The following NXN variants were observed in gnomAD, a reference collection of about 807,000 sequenced individuals.
NXN encodes the protein nucleoredoxin, also known as nucleoredoxin 1.
NXN carries 16 observed loss-of-function variants against 48.6 expected under a neutral mutation model. The observed-to-expected ratio is 0.33, with a 90% CI of 0.22 to 0.50. The LOEUF (loss-of-function observed/expected upper bound fraction) is 0.50. NXN is among the 20% of genes least tolerant of loss of function. The pLI is 0.98. For synonymous variants in NXN, 281 were observed against 269.6 expected, an observed-to-expected ratio of 1.04 and a Z score of -0.41; for missense variants, 492 against 605.5, an observed-to-expected ratio of 0.81 and a Z score of 1.97.
chr17:810,522 C>G (rs2144594808), intron 5 of NXN, among the ~76,000 whole-genome samples: 1 of 152,282 alleles, frequency 6.6e-6, no homozygotes, highest in Non-Finnish European at 1.5e-5. Flanking sequence ...CCAACCAATG[C>G]CCAGAATCTG....
intron 1 of NXN, among the ~76,000 whole-genome samples, chr17:907,425 C>T (rs1446892412): frequency 1.3e-5 from 2 of 151,792 alleles, no homozygotes; most frequent in Non-Finnish European, 2.9e-5. Context: ...CTGCAAGCTC[C>T]GCCTCCCGAG....
chr17:874,679 C>T (rs551879142), intron 1 of NXN, among the ~76,000 whole-genome samples: 4 of 145,600 alleles, frequency 2.7e-5, no homozygotes, highest in African/African-American at 1.0e-4. Flanking sequence ...GGATCACAAT[C>T]ATGCCACTGC....
chr17:804,843 G>A (rs967252609), intron 6 of NXN, among the ~76,000 whole-genome samples: 1 of 152,194 alleles, frequency 6.6e-6, no homozygotes, highest in Non-Finnish European at 1.5e-5. Context: ...CTGCCCAGCT[G>A]GCAGCTGGGG....
At chr17:827,693 C>G (rs1301833277) in intron 1 of NXN, among the ~76,000 whole-genome samples, 1 of 152,220 alleles carries the variant, frequency 6.6e-6, no homozygotes, top group African/African-American at 2.4e-5. Context: ...AGCAGGGAAG[C>G]TGCAGAGTGC....
chr17:842,613 G>T, intron 1 of NXN: 1 of 972,770 alleles, frequency 1.0e-6, no homozygotes, highest in Middle Eastern at 5.3e-4. Context: ...CACTCCCCAG[G>T]CAACTTGGCT....
At position 830,685 on chromosome 17, in the gene NXN, C is replaced by T. The variant is rs1238445559; in HGVS notation, c.361-4607G>A. ...AAAAATAACAGGTCACAGGGAATGACGTGACCTGATTCACAGTTTAAAAGG... is the reference window on the plus strand; with the variant it reads ...AAAAATAACAGGTCACAGGGAATGATGTGACCTGATTCACAGTTTAAAAGG... On this transcript the variant is annotated intron_variant, in intron 1 of 7. Transcript: ENST00000336868. This position sits in a 1 kb window ranked among gnomAD's most constrained non-coding sequence, Gnocchi z 4.2. Among the ~76,000 whole-genome samples the T allele has an allele frequency of 1.3e-5, 2 of 152,252 alleles. No individual in the cohort carries two copies. Among genetic ancestry groups the T allele is most frequent in the South Asian group, 2.1e-4 (1 of 4,820 alleles).
rs186720214 is a variant in NXN at position 802,787 on chromosome 17, G to A, written c.1125+895C>T. Among the ~76,000 whole-genome samples the A allele has an allele frequency of 1.5e-3, 228 of 152,306 alleles. 3 individuals carry two copies. In the East Asian group the frequency reaches 0.024, roughly 16 times the overall value. ...GGCCGGGGGCTGAGGTGATGAATGG[G>A]TGGCACAGGGTGTCTGGCTGCCGCC... On this transcript the variant is annotated intron_variant, in intron 7 of 7. Transcript: ENST00000336868.
rs572413476 is a variant in NXN at position 890,947 on chromosome 17, G to T, written c.361-64869C>A. 2.6e-5 allele frequency among the ~76,000 whole-genome samples: 4 copies of T among 152,134 alleles called. No homozygotes were observed. In the South Asian group the frequency reaches 8.3e-4, roughly 32 times the overall value. On this transcript the variant is annotated intron_variant, in intron 1 of 7. Transcript: ENST00000336868. The stretch of plus-strand genomic sequence containing the variant: ...GCTACACCACCTGCTTCACGAATAC[G>T]GCCCCTCCATTTGCAAAGTGCTGAC...
rs756409294 is a variant in NXN at position 803,778 on chromosome 17, C to T, written c.1029G>A (p.Ala343=). 2.4e-5 allele frequency: 39 copies of T among 1,614,180 alleles called. No individual in the cohort carries two copies. Among genetic ancestry groups the T allele is most frequent in the Admixed American group, 3.3e-5 (2 of 60,026 alleles). ...CTATCGGCTGAATCAGCTGCTTGGC[C>T]GCCTCGGACTCTCCGTCATCCTCAG... is the stretch of plus-strand genomic sequence containing the variant. ...VDSEDDGESE[A]AKQLIQPIAE... is the part of the protein sequence containing the mutation. The change falls in exon 7 of 8, where the codon GCG becomes GCA. Residue 343 remains alanine (A), a synonymous_variant. Coordinates refer to ENST00000336868, the MANE Select transcript of NXN (RefSeq NM_022463.5).
In NXN at chr17:828,212, C is replaced by T. The variant is rs374125560; in HGVS notation, c.361-2134G>A. On this transcript the variant is annotated intron_variant, in intron 1 of 7. Transcript: ENST00000336868. Reference sequence around the variant, plus strand: ...TCCACCTCTCAGGTTCAAACAATTCCCCTGCCTCAGCCTCCCAAGTAGCTG... The same window carrying T: ...TCCACCTCTCAGGTTCAAACAATTCTCCTGCCTCAGCCTCCCAAGTAGCTG... Among the ~76,000 whole-genome samples, 40 of 148,484 alleles carry T rather than the reference C, an allele frequency of 2.7e-4. No homozygotes were observed. The South Asian group carries it at 7.5e-3, about 28-fold the overall frequency.
intron 1 of NXN, among the ~76,000 whole-genome samples, chr17:885,672 CTTTTTT>C (rs532225883): frequency 1.7e-4 from 14 of 83,750 alleles, no homozygotes; most frequent in African/African-American, 6.6e-4. Context: ...GCGGTACTCG[CTTTTTT>C]TTTTTTTTTT....
At chr17:874,731 T>C (rs2068195918) in intron 1 of NXN, among the ~76,000 whole-genome samples, 1 of 149,810 alleles carries the variant, frequency 6.7e-6, no homozygotes. Context: ...TCTCAAATAA[T>C]AAATAAACAA....
intron 1 of NXN, among the ~76,000 whole-genome samples, chr17:905,416 G>A (rs924550084): frequency 2.6e-5 from 4 of 151,844 alleles, no homozygotes; most frequent in African/African-American, 7.3e-5. Context: ...AGATCCTGTC[G>A]GTTAAAAATA....
chr17:803,274 G>A (rs1260330820), intron 7 of NXN, among the ~76,000 whole-genome samples: 1 of 152,170 alleles, frequency 6.6e-6, no homozygotes. Context: ...ATAAGCAGTA[G>A]CCCCAGCCAG....
At position 810,758 on chromosome 17, in the gene NXN, G is replaced by A. The variant is rs191362490; in HGVS notation, c.821-5511C>T. On this transcript the variant is annotated intron_variant, in intron 5 of 7. Transcript: ENST00000336868. ...TACAAAATTAGCTGGGCGTGGTAGC[G>A]CACCCCTGTACTCCCAGCTACTCAG... Among the ~76,000 whole-genome samples the A allele has an allele frequency of 3.0e-4, 45 of 152,196 alleles. No homozygotes were observed. In the East Asian group the frequency reaches 3.5e-3, roughly 12 times the overall value.
chr17:918,307 G>C (rs186855900), intron 1 of NXN, among the ~76,000 whole-genome samples: 1 of 152,150 alleles, frequency 6.6e-6, no homozygotes, highest in Non-Finnish European at 1.5e-5. Flanking sequence ...TGTAACGTTC[G>C]GTTTGGAGGA....
chr17:846,873 T>A (rs929789316), intron 1 of NXN, among the ~76,000 whole-genome samples: 8 of 149,550 alleles, frequency 5.3e-5, no homozygotes, highest in Non-Finnish European at 1.0e-4. Flanking sequence ...ATGGTGGGGG[T>A]GGAGGGGTAC....
At chr17:882,547 G>T (rs1488850053) in intron 1 of NXN, among the ~76,000 whole-genome samples, 1 of 149,642 alleles carries the variant, frequency 6.7e-6, no homozygotes, top group African/African-American at 2.5e-5. Context: ...CTCACTGCAA[G>T]CTCCGCCTCC....
At chr17:866,608 G>A (rs1336866435) in intron 1 of NXN, among the ~76,000 whole-genome samples, 1 of 152,122 alleles carries the variant, frequency 6.6e-6, no homozygotes, top group Admixed American at 6.6e-5. Context: ...GGATAGGTGA[G>A]GAGTTGTACC....
Sources: allele counts gnomAD v4.1 joint callset (sites outside exome capture counted in the v4.1 genomes callset), GRCh38; gene constraint gnomAD v4.1.1; non-coding constraint Gnocchi (gnomAD v3.1); transcripts MANE v1.5; gene names NCBI Gene and HGNC (gene_info 2026-07-23, HGNC 2026-07-21).